Variants in ABTB3 observed in about 807,000 individuals in gnomAD.
The protein encoded by ABTB3 is ankyrin repeat- and BTB/POZ domain-containing protein 3.
At chr12:107,469,862 TTTC>T in the ABTB3 span, among the ~76,000 whole-genome samples, 264 of 143,574 alleles carry the variant, frequency 1.8e-3, 5 homozygotes, top group Middle Eastern at 0.014. Context: ...TCTTTCTTTC[TTTC>T]TTTTCTTTCT....
the ABTB3 span, among the ~76,000 whole-genome samples, chr12:107,397,660 C>G: frequency 6.6e-6 from 1 of 152,110 alleles, no homozygotes; most frequent in African/African-American, 2.4e-5. Flanking sequence ...TTACGATTTT[C>G]TTGCCTTGAT....
the ABTB3 span, among the ~76,000 whole-genome samples, chr12:107,394,801 T>C: frequency 1.3e-5 from 2 of 152,254 alleles, no homozygotes; most frequent in African/African-American, 4.8e-5. Flanking sequence ...CTCATCATCA[T>C]TATGATCATC....
the ABTB3 span, chr12:107,617,135 G>A: frequency 6.2e-7 from 1 of 1,614,064 alleles, no homozygotes; most frequent in Non-Finnish European, 8.5e-7. Flanking sequence ...GTGGAGCATG[G>A]CGAGGAGAAC....
the ABTB3 span, among the ~76,000 whole-genome samples, chr12:107,531,804 A>G: frequency 6.6e-6 from 1 of 152,114 alleles, no homozygotes; most frequent in African/African-American, 2.4e-5. Flanking sequence ...ACTAGACTAC[A>G]TCCTGCCCTG....
At chr12:107,494,504 T>C in the ABTB3 span, among the ~76,000 whole-genome samples, 1 of 152,124 alleles carries the variant, frequency 6.6e-6, no homozygotes. Context: ...AGAAGGCCTC[T>C]CCCAGCCTAG....
chr12:107,381,174 C>A, the ABTB3 span, among the ~76,000 whole-genome samples: 1 of 152,086 alleles, frequency 6.6e-6, no homozygotes, highest in Non-Finnish European at 1.5e-5. Context: ...TGTTTATGGT[C>A]TGTTTCCTCT....
the ABTB3 span, among the ~76,000 whole-genome samples, chr12:107,514,461 T>C: frequency 0.023 from 3,489 of 152,230 alleles, 127 homozygotes; most frequent in African/African-American, 0.078. Flanking sequence ...GGGAAATTAT[T>C]TCCTTTAGGT....
the ABTB3 span, among the ~76,000 whole-genome samples, chr12:107,483,777 C>A: frequency 6.6e-6 from 1 of 152,162 alleles, no homozygotes; most frequent in African/African-American, 2.4e-5. Context: ...GCCTCAAACT[C>A]CTGGGTTCAA....
At chr12:107,419,106 C>G in the ABTB3 span, among the ~76,000 whole-genome samples, 19,682 of 152,228 alleles carry the variant, frequency 0.13, 1,716 homozygotes, top group Admixed American at 0.25. Flanking sequence ...AGGTTGCATA[C>G]CCCCAGGGGA....
the ABTB3 span, chr12:107,318,882 G>T: frequency 6.7e-7 from 1 of 1,500,152 alleles, no homozygotes; most frequent in Non-Finnish European, 8.9e-7. Flanking sequence ...GGCACTCGCT[G>T]CTCCTCGCCG....
the ABTB3 span, among the ~76,000 whole-genome samples, chr12:107,472,716 G>A: frequency 1.1e-4 from 16 of 152,196 alleles, no homozygotes; most frequent in Admixed American, 4.6e-4. Context: ...TCCGCCGTTC[G>A]GTTCCCCAGA....
chr12:107,476,116 C>T, the ABTB3 span, among the ~76,000 whole-genome samples: 1 of 152,148 alleles, frequency 6.6e-6, no homozygotes, highest in Non-Finnish European at 1.5e-5. Flanking sequence ...CTTTGGTAGG[C>T]TGGGGAGAGG....
the ABTB3 span, chr12:107,614,956 T>C: frequency 2.2e-6 from 2 of 918,396 alleles, no homozygotes; most frequent in Non-Finnish European, 3.4e-6. Flanking sequence ...CCAGGATGTC[T>C]TTTTGTCCAT....
chr12:107,620,061 A>G, the ABTB3 span: 1 of 1,613,976 alleles, frequency 6.2e-7, no homozygotes, highest in Non-Finnish European at 8.5e-7. Context: ...CCTCTCATCC[A>G]GTGCTTGTTA....
chr12:107,454,373 CTGCACAGCT>C, the ABTB3 span, among the ~76,000 whole-genome samples: 1 of 152,232 alleles, frequency 6.6e-6, no homozygotes, highest in Non-Finnish European at 1.5e-5. Flanking sequence ...GTGCTCTGCA[CTGCACAGCT>C]TGCATGGCCA....
the ABTB3 span, among the ~76,000 whole-genome samples, chr12:107,389,164 G>A: frequency 6.6e-6 from 1 of 152,162 alleles, no homozygotes; most frequent in Admixed American, 6.5e-5. Flanking sequence ...TGGAGCCAGA[G>A]GCTATGAGAT....
chr12:107,571,143 A>T, the ABTB3 span, among the ~76,000 whole-genome samples: 1 of 152,186 alleles, frequency 6.6e-6, no homozygotes, highest in African/African-American at 2.4e-5. Context: ...CAAACCCTCA[A>T]TAGTAGCTAA....
the ABTB3 span, among the ~76,000 whole-genome samples, chr12:107,571,824 G>A: frequency 3.9e-5 from 6 of 152,228 alleles, no homozygotes; most frequent in Admixed American, 1.3e-4. Context: ...AGAGGCACAG[G>A]CTGGCTGGCT....
chr12:107,544,076 G>T, the ABTB3 span: 3 of 1,614,062 alleles, frequency 1.9e-6, no homozygotes, highest in Non-Finnish European at 1.7e-6. Flanking sequence ...TTCATGCACT[G>T]CCCACAAATG....
Sources: gnomAD v4.1 joint callset for allele counts (sites outside exome capture counted in the v4.1 genomes callset) on GRCh38, gnomAD v4.1.1 for gene constraint, MANE v1.5 for transcripts, NCBI Gene and HGNC (gene_info 2026-07-23, HGNC 2026-07-21) for gene names.